Variants in EXT1 observed in about 807,000 individuals in gnomAD.
EXT1 encodes the protein exostosin-1.
Under a neutral mutation model 82.5 loss-of-function variants are expected in EXT1, and 20 were observed. The observed-to-expected ratio is 0.24, with a 90% CI of 0.17 to 0.35. The LOEUF (loss-of-function observed/expected upper bound fraction) is 0.35, where lower values mean the gene tolerates loss of function less well. Among genes scored for constraint, EXT1 ranks in the 10% least tolerant of loss-of-function variants. The probability of loss-of-function intolerance (pLI) is 1.00; values close to 1 mark genes in which losing one functional copy is unlikely to be tolerated. For synonymous variants in EXT1, 348 were observed against 350.8 expected (o/e 0.99, Z 0.09); for missense variants, 757 against 936.5 (o/e 0.81, Z 2.50).
chr8:118,103,653 T>C (rs540474922), intron 1 of EXT1, among the ~76,000 whole-genome samples: 1 of 152,234 alleles, frequency 6.6e-6, no homozygotes, highest in South Asian at 2.1e-4. Flanking sequence ...GGGTTCACTT[T>C]CACTTACAAT....
intron 1 of EXT1, among the ~76,000 whole-genome samples, chr8:118,046,516 G>C (rs1322011564): frequency 6.6e-6 from 1 of 152,186 alleles, no homozygotes; most frequent in Non-Finnish European, 1.5e-5. Context: ...CTGTGGGTAG[G>C]AAGCGGTGGG....
intron 1 of EXT1, among the ~76,000 whole-genome samples, chr8:117,976,858 G>A (rs10087446): frequency 0.73 from 111,246 of 151,966 alleles, 41,678 homozygotes; most frequent in African/African-American, 0.88. Flanking sequence ...AGGGAGAGAG[G>A]GGTAGAGACC....
intron 1 of EXT1, among the ~76,000 whole-genome samples, chr8:117,918,034 G>A (rs755788233): frequency 6.6e-6 from 1 of 152,088 alleles, no homozygotes; most frequent in Non-Finnish European, 1.5e-5. Flanking sequence ...CTTTTCCAGG[G>A]ATAAGCCTCC....
At chr8:118,008,236 G>A (rs933081851) in intron 1 of EXT1, among the ~76,000 whole-genome samples, 5 of 151,860 alleles carry the variant, frequency 3.3e-5, no homozygotes, top group African/African-American at 1.2e-4. Flanking sequence ...CAATGGTTGA[G>A]CTAATTTATG....
chr8:118,019,122 A>G (rs1586346377), intron 1 of EXT1, among the ~76,000 whole-genome samples: 1 of 152,164 alleles, frequency 6.6e-6, no homozygotes, highest in African/African-American at 2.4e-5. Flanking sequence ...GAACAGGCAC[A>G]AAATAAGTTG....
At chr8:117,893,854 A>G (rs1813290813) in intron 1 of EXT1, among the ~76,000 whole-genome samples, 1 of 152,190 alleles carries the variant, frequency 6.6e-6, no homozygotes, top group Admixed American at 6.5e-5. Context: ...ACCTAGTTTT[A>G]GCAAAAATCT....
intron 1 of EXT1, among the ~76,000 whole-genome samples, chr8:117,962,002 TAAG>T (rs1814709734): frequency 6.6e-6 from 1 of 152,140 alleles, no homozygotes; most frequent in Non-Finnish European, 1.5e-5. Flanking sequence ...ATGTATTAAT[TAAG>T]AAGGGTCAGT....
intron 1 of EXT1, among the ~76,000 whole-genome samples, chr8:118,034,101 A>G (rs11562700): frequency 0.024 from 3,647 of 152,310 alleles, 133 homozygotes; most frequent in African/African-American, 0.079. Context: ...TTCAGATGGT[A>G]GCATATTGTA....
At chr8:118,043,847 A>G (rs2129908789) in intron 1 of EXT1, among the ~76,000 whole-genome samples, 1 of 152,366 alleles carries the variant, frequency 6.6e-6, no homozygotes, top group East Asian at 1.9e-4. Flanking sequence ...AAAACAGGTA[A>G]AAGTCCAACT....
intron 1 of EXT1, among the ~76,000 whole-genome samples, chr8:117,908,687 C>G (rs963596088): frequency 2.0e-5 from 3 of 151,942 alleles, no homozygotes; most frequent in Non-Finnish European, 4.4e-5. Flanking sequence ...CACACACACA[C>G]AAAACAACTT....
rs372575361 is a variant in EXT1 at position 117,867,260 on chromosome 8, G to GAAA, written c.963-30062_963-30060dup. ...GGCGACAGAGTGAGACTCCACCTCA[G>GAAA]AAAAAAAAAAAAAGCTTGAGGAAAT... On this transcript the variant is annotated intron_variant, in intron 1 of 10. Coordinates refer to ENST00000378204, the MANE Select transcript of EXT1 (RefSeq NM_000127.3). Among the ~76,000 whole-genome samples, 32 of 98,906 alleles carry GAAA rather than the reference G, an allele frequency of 3.2e-4. 4 individuals are homozygous for GAAA. Among genetic ancestry groups the GAAA allele is most frequent in the South Asian group, 1.2e-3 (3 of 2,576 alleles). 64.9% of individuals were successfully genotyped at this position (98,906 alleles called of 152,430 possible). A position where few individuals can be genotyped will look rare whatever the true frequency, so the allele number is the denominator to read the frequency against.
At position 117,837,177 on chromosome 8, in the gene EXT1, G is replaced by C; in HGVS notation, c.987C>G (p.His329Gln). 6.2e-7 allele frequency: 1 copy of C among 1,613,934 alleles called. No homozygotes were observed. The highest frequency in any genetic ancestry group is 1.1e-5 in the South Asian group (1 of 91,062). Reference sequence around the variant, plus strand: ...GAGGAACCAGACAGAAAGTGGCATTGTGCAGCATTTCCCGATAATCATACC... The same window carrying C: ...GAGGAACCAGACAGAAAGTGGCATTCTGCAGCATTTCCCGATAATCATACC... ...YEKYDYREML[H>Q]NATFCLVPRG... is the part of the protein sequence containing the mutation. The change falls in exon 2 of 11, where the codon CAC (histidine) becomes CAG (glutamine). Residue 329 changes from histidine (H) to glutamine (Q), a missense_variant. Around this residue, in one of 4 missense-constraint regions of EXT1, gnomAD observed 247 missense variants for 330.1 expected, o/e 0.75. Transcript: ENST00000378204.
chr8:117,904,471 G>T (rs1813506088), intron 1 of EXT1, among the ~76,000 whole-genome samples: 1 of 152,146 alleles, frequency 6.6e-6, no homozygotes, highest in Non-Finnish European at 1.5e-5. Flanking sequence ...CATACCTATT[G>T]CTTTATGTGT....
intron 1 of EXT1, among the ~76,000 whole-genome samples, chr8:117,943,192 T>C (rs1308694950): frequency 1.3e-5 from 2 of 152,178 alleles, no homozygotes; most frequent in Admixed American, 1.3e-4. Context: ...TAAAAAATGG[T>C]TTTAAGTCTT....
chr8:117,993,188 G>C (rs1228825340), intron 1 of EXT1, among the ~76,000 whole-genome samples: 1 of 152,152 alleles, frequency 6.6e-6, no homozygotes, highest in East Asian at 1.9e-4. Context: ...TAAATGAACA[G>C]GGAGCTGTGA....
chr8:117,865,652 C>G (rs1329373915), intron 1 of EXT1, among the ~76,000 whole-genome samples: 1 of 152,208 alleles, frequency 6.6e-6, no homozygotes, highest in Non-Finnish European at 1.5e-5. Context: ...TTATTTCTGA[C>G]TGTCAAGACT....
At chr8:117,900,339 T>G (rs932988601) in intron 1 of EXT1, among the ~76,000 whole-genome samples, 1 of 152,240 alleles carries the variant, frequency 6.6e-6, no homozygotes, top group African/African-American at 2.4e-5. Context: ...AGAAAACTCA[T>G]GAGGAAGCTC....
At chr8:118,103,922 A>C (rs1055712734) in intron 1 of EXT1, among the ~76,000 whole-genome samples, 2 of 152,230 alleles carry the variant, frequency 1.3e-5, no homozygotes, top group Non-Finnish European at 2.9e-5. Context: ...AAAGCAATGG[A>C]AAAAAGATCC....
At chr8:117,970,653 G>C (rs1814920467) in intron 1 of EXT1, among the ~76,000 whole-genome samples, 2 of 152,112 alleles carry the variant, frequency 1.3e-5, no homozygotes. Flanking sequence ...CAAGGTACTT[G>C]GTCCATGGAC....
Sources: gnomAD v4.1 joint callset for allele counts (sites outside exome capture counted in the v4.1 genomes callset) on GRCh38, gnomAD v4.1.1 for gene constraint, gnomAD v4.1.1 regional missense constraint, MANE v1.5 for transcripts, NCBI Gene and HGNC (gene_info 2026-07-23, HGNC 2026-07-21) for gene names.